Variants in STBD1 observed in about 807,000 individuals in gnomAD.
STBD1 encodes starch-binding domain-containing protein 1.
In STBD1, 13 loss-of-function variants were observed where a neutral mutation model predicts 10.5. The ratio of observed to expected loss-of-function variants is 1.24; its 90% CI spans 0.81 to 1.97. The LOEUF (loss-of-function observed/expected upper bound fraction) is 1.97. Among genes scored for constraint, STBD1 ranks in the 30% most tolerant of loss-of-function variants. The probability of loss-of-function intolerance (pLI) is 0.00; values close to 1 mark genes in which losing one functional copy is unlikely to be tolerated. For missense variants in STBD1, 427 were observed against 435.6 expected (o/e 0.98, Z 0.17); for synonymous variants, 146 against 160.2 (o/e 0.91, Z 0.67).
In STBD1 at chr4:76,310,603, TTTTG is replaced by T. The variant is rs1209221291; in HGVS notation, c.*608_*611del. The T allele has an allele frequency of 6.5e-6, 1 of 153,004 alleles. No homozygotes were observed. Among genetic ancestry groups the T allele is most frequent in the African/African-American group, 2.4e-5 (1 of 41,446 alleles). The allele number at this position is 153,004 out of a possible 1,614,324, so 9.5% of individuals were successfully genotyped here. On this transcript the variant is annotated 3_prime_UTR_variant, in exon 2 of 2. Transcript: ENST00000237642. ...TAATGTTCTAAGACTGCCTAATGCTTTTTGTTTGATTTTCATCTGCCAGGCGTTG... is the reference window on the plus strand; with the variant it reads ...TAATGTTCTAAGACTGCCTAATGCTTTTTGATTTTCATCTGCCAGGCGTTG...
Position 76,310,021 on chromosome 4 carries a change from AG to A in STBD1, c.*22del, listed in dbSNP as rs1451514332. On this transcript the variant is annotated 3_prime_UTR_variant, in exon 2 of 2. Coordinates refer to ENST00000237642, the MANE Select transcript of STBD1 (RefSeq NM_003943.5). Reference sequence around the variant, plus strand: ...ACTGATTCAGTTTGCAAAGTAATGGAGAAGCTGTAGAACAATGTGGAAGAGG... The same window carrying A: ...ACTGATTCAGTTTGCAAAGTAATGGAAAGCTGTAGAACAATGTGGAAGAGG... 1 of 1,592,726 alleles carries A rather than the reference AG, an allele frequency of 6.3e-7. No homozygotes were observed. The highest frequency in any genetic ancestry group is 1.7e-5 in the Admixed American group (1 of 59,510).
chr4:76,310,204 GCA>G lies in STBD1; in HGVS notation c.*215_*216del, dbSNP rs1001685665. ...TATGTGTGTATGTGTGTATATATAT[GCA>G]CACACACACAGATAATGCTTCCAGT... On this transcript the variant is annotated 3_prime_UTR_variant, in exon 2 of 2. Transcript: ENST00000237642. 3.9e-5 allele frequency: 23 copies of G among 596,442 alleles called. No individual in the cohort carries two copies. The highest frequency in any genetic ancestry group is 6.6e-5 in the South Asian group (3 of 45,252). 36.9% of individuals were successfully genotyped at this position (596,442 alleles called of 1,614,324 possible).
Position 76,309,547 on chromosome 4 carries a change from G to A in STBD1, c.624G>A (p.Arg208=). The change falls in exon 2 of 2, where the codon AGG becomes AGA. Residue 208 remains arginine, a synonymous_variant. Coordinates refer to ENST00000237642, the MANE Select transcript of STBD1 (RefSeq NM_003943.5). ...ACGAGGAGTGGGAAATGGTGCCTAG[G>A]CACTCATCTTGGGGGGATGTTGGTG... ...VDHEEWEMVP[R]HSSWGDVGVG... The A allele has an allele frequency of 6.2e-7, 1 of 1,614,242 alleles. No homozygotes were observed. The highest frequency in any genetic ancestry group is 8.5e-7 in the Non-Finnish European group (1 of 1,180,046).
At chr4:76,307,575 G>A (rs1007261189) in intron 1 of STBD1, among the ~76,000 whole-genome samples, 1 of 152,186 alleles carries the variant, frequency 6.6e-6, no homozygotes, top group Non-Finnish European at 1.5e-5. Flanking sequence ...CTGGGGATGT[G>A]CCTTGGTCAC....
chr4:76,309,845 T>G lies in STBD1; in HGVS notation c.922T>G (p.Ser308Ala), dbSNP rs1418434217. 5 of 1,614,090 alleles carry G rather than the reference T, an allele frequency of 3.1e-6. No homozygotes were observed. Among genetic ancestry groups the G allele is most frequent in the African/African-American group, 1.3e-5 (1 of 74,936 alleles). ...PLHYNKDGFW[S>A]HSIFLPADTV... ...CCACTATAACAAGGATGGGTTCTGG[T>G]CTCATTCCATTTTCCTGCCTGCAGA... is the stretch of plus-strand genomic sequence containing the variant. Residue 308 changes from serine to alanine, a missense_variant, in exon 2 of 2, where the codon TCT becomes GCT. Ser to Ala is a moderately conservative substitution (Grantham distance 99, BLOSUM62 1). Transcript: ENST00000237642.
At position 76,309,589 on chromosome 4, in the gene STBD1, G is replaced by T. The variant is rs2110043925; in HGVS notation, c.666G>T (p.Lys222Asn). The T allele has an allele frequency of 6.2e-7, 1 of 1,614,232 alleles. No individual in the cohort carries two copies. Among genetic ancestry groups the T allele is most frequent in the African/African-American group, 1.3e-5 (1 of 75,054 alleles). Residue 222 changes from lysine to asparagine, a missense_variant, in exon 2 of 2, where the codon AAG becomes AAT. Lys to Asn is a moderately conservative substitution (Grantham distance 94). Transcript: ENST00000237642. ...WGDVGVGGSL[K>N]APVLNLNQGM... Reference sequence around the variant, plus strand: ...ATGTTGGTGTGGGTGGCAGTCTTAAGGCTCCAGTGTTAAACCTAAACCAGG... The same window carrying T: ...ATGTTGGTGTGGGTGGCAGTCTTAATGCTCCAGTGTTAAACCTAAACCAGG...
Position 76,307,025 on chromosome 4 carries a change from C to T in STBD1, c.220+36C>T, listed in dbSNP as rs907921126. Reference sequence around the variant, plus strand: ...CCCCGTGACTCCAGGGCACATCTGCCAGAGCTTTGAGGTTCATCGAGGAAG... The same window carrying T: ...CCCCGTGACTCCAGGGCACATCTGCTAGAGCTTTGAGGTTCATCGAGGAAG... On this transcript the variant is annotated intron_variant, in intron 1 of 1. Transcript: ENST00000237642. The T allele has an allele frequency of 5.8e-6, 9 of 1,546,780 alleles. No homozygotes were observed. The Admixed American group carries it at 1.4e-4, about 24-fold the overall frequency.
chr4:76,309,115 T>C (rs531780500), intron 1 of STBD1, 29 bp from the exon 2 acceptor site: 1 of 1,537,622 alleles, frequency 6.5e-7, no homozygotes, highest in African/African-American at 1.4e-5. Context: ...ACTACCTGAC[T>C]CTATTACATT....
At chr4:76,309,118 A>G (rs748797690) in intron 1 of STBD1, 26 bp from the exon 2 acceptor site, 3 of 1,543,318 alleles carry the variant, frequency 1.9e-6, no homozygotes, top group Non-Finnish European at 2.6e-6. Context: ...ACCTGACTCT[A>G]TTACATTTTT....
In STBD1 at chr4:76,306,899, C is replaced by G; in HGVS notation, c.130C>G (p.Leu44Val). ...GDAEQEKDAPLGGAAIPGGHQ... is the reference protein window; with the variant it reads ...GDAEQEKDAPVGGAAIPGGHQ... Reference sequence around the variant, plus strand: ...TGCGGAGCAGGAGAAAGACGCCCCTCTTGGGGGAGCTGCGATTCCGGGAGG... The same window carrying G: ...TGCGGAGCAGGAGAAAGACGCCCCTGTTGGGGGAGCTGCGATTCCGGGAGG... Residue 44 changes from leucine to valine, a missense_variant, in exon 1 of 2, where the codon CTT (leucine) becomes GTT (valine). Leu to Val is a conservative substitution (Grantham distance 32). Coordinates refer to ENST00000237642, the MANE Select transcript of STBD1 (RefSeq NM_003943.5). The G allele has an allele frequency of 6.2e-7, 1 of 1,612,536 alleles. No homozygotes were observed. Among genetic ancestry groups the G allele is most frequent in the Admixed American group, 1.7e-5 (1 of 59,862 alleles).
intron 1 of STBD1, among the ~76,000 whole-genome samples, chr4:76,308,136 G>C (rs892032202): frequency 6.6e-6 from 1 of 152,096 alleles, no homozygotes; most frequent in Non-Finnish European, 1.5e-5. Context: ...GGGCGTGGTA[G>C]TAGGCGCCGG....
Position 76,309,135 on chromosome 4 carries a change from A to G in STBD1, c.221-9A>G, listed in dbSNP as rs1175019797. The G allele has an allele frequency of 1.9e-6, 3 of 1,555,416 alleles. No individual in the cohort carries two copies. In the South Asian group the frequency reaches 3.7e-5, roughly 19 times the overall value. On this transcript the variant is annotated splice_polypyrimidine_tract_variant and intron_variant, in intron 1 of 1. Transcript: ENST00000237642. ...CTGACTCTATTACATTTTTCCTTTG[A>G]TTTCTTAGAGCATCTTCAAGAAAGC...
At position 76,309,479 on chromosome 4, in the gene STBD1, G is replaced by A. The variant is rs766718504; in HGVS notation, c.556G>A (p.Glu186Lys). The part of the protein sequence containing the change: ...SNLLKNRAKE[E>K]MSLSDLNSQD... The stretch of plus-strand genomic sequence containing the variant: ...CCTGCTCAAGAACAGAGCTAAAGAA[G>A]AAATGAGCCTCTCTGATTTGAACAG... Residue 186 changes from glutamate (E) to lysine (K), a missense_variant, in exon 2 of 2, where the codon GAA becomes AAA. Transcript: ENST00000237642. The A allele has an allele frequency of 1.2e-6, 2 of 1,614,240 alleles. No homozygotes were observed. The highest frequency in any genetic ancestry group is 1.7e-6 in the Non-Finnish European group (2 of 1,180,032).
At position 76,310,105 on chromosome 4, in the gene STBD1, T is replaced by A; in HGVS notation, c.*105T>A. On this transcript the variant is annotated 3_prime_UTR_variant, in exon 2 of 2. Coordinates refer to ENST00000237642, the MANE Select transcript of STBD1 (RefSeq NM_003943.5). ...GGCAGTGTGACTCCAAATTCAGCCA[T>A]CTGAATTGTTTAAATTTGCTAGTGG... is the stretch of plus-strand genomic sequence containing the variant. 1 of 1,442,110 alleles carries A rather than the reference T, an allele frequency of 6.9e-7. No individual in the cohort carries two copies. Among genetic ancestry groups the A allele is most frequent in the Non-Finnish European group, 9.3e-7 (1 of 1,079,140 alleles). The allele number at this position is 1,442,110 out of a possible 1,614,324, so 89.3% of individuals were successfully genotyped here. A position where few individuals can be genotyped will look rare whatever the true frequency, so the allele number is the denominator to read the frequency against.
chr4:76,309,028 G>A (rs1365577077), intron 1 of STBD1, 116 bp from the exon 2 acceptor site: 1 of 1,401,088 alleles, frequency 7.1e-7, no homozygotes, highest in African/African-American at 1.4e-5. Flanking sequence ...GGGGGACTTT[G>A]TGAATTGCAG....
At position 76,306,760 on chromosome 4, in the gene STBD1, C is replaced by G. The variant is rs940879421; in HGVS notation, c.-10C>G. 1.9e-6 allele frequency: 3 copies of G among 1,608,804 alleles called. No homozygotes were observed. In the African/African-American group the frequency reaches 4.0e-5, roughly 21 times the overall value. ...TCCCTGTAGTCTCCTGCGGCCGCGG[C>G]CTCTCAGCCATGGGCGCCGTCTGGT... On this transcript the variant is annotated 5_prime_UTR_variant, in exon 1 of 2. Transcript: ENST00000237642.
At chr4:76,308,948 T>C (rs913404139) in intron 1 of STBD1, among the ~76,000 whole-genome samples, 196 bp from the exon 2 acceptor site, 15 of 152,380 alleles carry the variant, frequency 9.8e-5, no homozygotes, top group African/African-American at 2.9e-4. Context: ...TTGTCAGATA[T>C]ACATGTGTAT....
Position 76,309,250 on chromosome 4 carries a change from C to T in STBD1, c.327C>T (p.Asp109=). ...RLQNPSREVC[D]NSREHVPSGQ... is the part of the protein sequence containing the mutation. Reference sequence around the variant, plus strand: ...AGAATCCTTCCAGGGAAGTCTGTGACAATTCAAGAGAACATGTTCCTTCTG... The same window carrying T: ...AGAATCCTTCCAGGGAAGTCTGTGATAATTCAAGAGAACATGTTCCTTCTG... The change falls in exon 2 of 2, where the codon GAC becomes GAT. Residue 109 remains aspartate (D), a synonymous_variant. Transcript: ENST00000237642. 1.2e-6 allele frequency: 2 copies of T among 1,614,140 alleles called. No homozygotes were observed. The highest frequency in any genetic ancestry group is 1.7e-6 in the Non-Finnish European group (2 of 1,180,020).
Position 76,309,939 on chromosome 4 carries a change from A to G in STBD1, c.1016A>G (p.Asn339Ser), listed in dbSNP as rs2110044165. Residue 339 changes from asparagine (N) to serine (S), a missense_variant, in exon 2 of 2, where the codon AAT (asparagine) becomes AGT (serine). Physicochemically the swap from Asn to Ser is conservative, Grantham distance 46. Coordinates refer to ENST00000237642, the MANE Select transcript of STBD1 (RefSeq NM_003943.5). ...GGVTRWEECS[N>S]RFLETGHEDK... ...GTTACCCGCTGGGAAGAATGCAGCAATAGATTCCTAGAAACTGGCCATGAG... is the reference window on the plus strand; with the variant it reads ...GTTACCCGCTGGGAAGAATGCAGCAGTAGATTCCTAGAAACTGGCCATGAG... 6.2e-7 allele frequency: 1 copy of G among 1,614,050 alleles called. No individual in the cohort carries two copies. Among genetic ancestry groups the G allele is most frequent in the Non-Finnish European group, 8.5e-7 (1 of 1,180,008 alleles).
Sources: gnomAD v4.1 joint callset for allele counts (sites outside exome capture counted in the v4.1 genomes callset) on GRCh38, gnomAD v4.1.1 for gene constraint, MANE v1.5 for transcripts, NCBI Gene and HGNC (gene_info 2026-07-23, HGNC 2026-07-21) for gene names.